The following SLC8A1 variants were observed in gnomAD, a reference collection of about 807,000 sequenced individuals.
The protein encoded by SLC8A1 is solute carrier family 8 member A1, also known as sodium/calcium exchanger 1.
In SLC8A1, 18 loss-of-function variants were observed where a neutral mutation model predicts 68.3. The ratio of observed to expected loss-of-function variants is 0.26; its 90% CI spans 0.18 to 0.39. The LOEUF (loss-of-function observed/expected upper bound fraction) is 0.39. Among genes scored for constraint, SLC8A1 ranks in the 10% least tolerant of loss-of-function variants. SLC8A1 has a pLI of 1.00. For missense variants in SLC8A1, 985 were observed against 1,156.7 expected (o/e 0.85, Z 2.15); for synonymous variants, 475 against 415.5 (o/e 1.14, Z -1.74).
intron 2 of SLC8A1, among the ~76,000 whole-genome samples, chr2:40,406,967 A>G (rs1466140573): frequency 6.6e-6 from 1 of 152,004 alleles, no homozygotes; most frequent in African/African-American, 2.4e-5. Flanking sequence ...TTACTTCATG[A>G]TGACAATGCA....
chr2:40,128,489 G>C (rs1413962839), intron 7 of SLC8A1, among the ~76,000 whole-genome samples: 3 of 152,144 alleles, frequency 2.0e-5, no homozygotes, highest in Non-Finnish European at 4.4e-5. Context: ...TGACGTGCTG[G>C]GGCCATGAAT....
intron 2 of SLC8A1, among the ~76,000 whole-genome samples, chr2:40,202,452 G>C (rs953407977): frequency 1.3e-5 from 2 of 151,900 alleles, no homozygotes; most frequent in Admixed American, 6.6e-5. Context: ...CTACCTGATT[G>C]TTAATAGTGA....
chr2:40,373,097 A>T (rs1224721777), intron 2 of SLC8A1, among the ~76,000 whole-genome samples: 1 of 152,112 alleles, frequency 6.6e-6, no homozygotes, highest in African/African-American at 2.4e-5. Flanking sequence ...AATGTTAAAA[A>T]TGTTTATAAT....
chr2:40,342,842 G>T (rs938256299), intron 2 of SLC8A1, among the ~76,000 whole-genome samples: 1 of 152,034 alleles, frequency 6.6e-6, no homozygotes, highest in Non-Finnish European at 1.5e-5. Flanking sequence ...ATGAACAAAC[G>T]TGAACTAAAA....
intron 2 of SLC8A1, among the ~76,000 whole-genome samples, chr2:40,181,205 C>T (rs1421973965): frequency 6.6e-6 from 1 of 152,182 alleles, no homozygotes; most frequent in African/African-American, 2.4e-5. Context: ...GGCGATCCAC[C>T]CGCCTTGGCC....
At chr2:40,162,465 ACTTCT>A (rs1388462642) in intron 5 of SLC8A1, among the ~76,000 whole-genome samples, 8 of 152,196 alleles carry the variant, frequency 5.3e-5, no homozygotes, top group African/African-American at 1.7e-4. Flanking sequence ...GAACAGATAA[ACTTCT>A]CTAACATTGA....
intron 2 of SLC8A1, among the ~76,000 whole-genome samples, chr2:40,280,540 T>A (rs113461847): frequency 0.017 from 2,584 of 152,308 alleles, 41 homozygotes; most frequent in Middle Eastern, 0.068. Context: ...AATACCATCA[T>A]GCTAAATTAA....
intron 2 of SLC8A1, among the ~76,000 whole-genome samples, chr2:40,271,952 G>C (rs7571709): frequency 6.8e-4 from 103 of 151,964 alleles, no homozygotes; most frequent in African/African-American, 2.3e-3. Context: ...CTGCAGCCTC[G>C]ATGTCTTGGG....
chr2:40,174,789 A>G, intron 4 of SLC8A1, 36 bp downstream of exon 5: 2 of 1,604,242 alleles, frequency 1.2e-6, no homozygotes, highest in Non-Finnish European at 1.7e-6. Context: ...AACAGACAGT[A>G]AAAGTTAGAT....
chr2:40,489,967 A>C (rs1175320713), intron 1 of SLC8A1, among the ~76,000 whole-genome samples: 1 of 152,138 alleles, frequency 6.6e-6, no homozygotes, highest in Non-Finnish European at 1.5e-5. Context: ...TCACTTGATG[A>C]TACACTGCTA....
chr2:40,150,566 A>T (rs530982857), intron 6 of SLC8A1, among the ~76,000 whole-genome samples: 1 of 152,224 alleles, frequency 6.6e-6, no homozygotes, highest in South Asian at 2.1e-4. Flanking sequence ...TCTTGGACCC[A>T]GTGATGGCAC....
At chr2:40,177,613 GA>G (rs2148559022) in intron 3 of SLC8A1, 3 of 544,066 alleles carry the variant, frequency 5.5e-6, no homozygotes, top group Non-Finnish European at 9.8e-6. Flanking sequence ...GAAGGGAAAT[GA>G]AATTGCTAAA....
intron 2 of SLC8A1, among the ~76,000 whole-genome samples, chr2:40,330,171 C>T (rs928172792): frequency 5.9e-5 from 9 of 152,238 alleles, no homozygotes; most frequent in South Asian, 2.1e-4. Flanking sequence ...TCCCAAGACC[C>T]GTTCTAACTT....
chr2:40,126,653 G>T (rs1338367519), intron 7 of SLC8A1, among the ~76,000 whole-genome samples: 1 of 152,216 alleles, frequency 6.6e-6, no homozygotes, highest in Non-Finnish European at 1.5e-5. Flanking sequence ...TTAGAGGTTT[G>T]AAGTGTGATT....
intron 2 of SLC8A1, chr2:40,190,865 T>G (rs2051674314): frequency 6.6e-6 from 1 of 152,194 alleles, no homozygotes; most frequent in Non-Finnish European, 1.5e-5. Context: ...CACTTTTTCT[T>G]CCTTCTTCAA....
intron 2 of SLC8A1, among the ~76,000 whole-genome samples, chr2:40,206,937 A>G (rs1177486795): frequency 6.6e-6 from 1 of 152,112 alleles, no homozygotes. Context: ...AAAAACAGGC[A>G]TTAATGATTC....
intron 4 of SLC8A1, among the ~76,000 whole-genome samples, chr2:40,173,303 A>G (rs1278687141): frequency 6.6e-6 from 1 of 152,192 alleles, no homozygotes; most frequent in Non-Finnish European, 1.5e-5. Flanking sequence ...AAAAAGGAGT[A>G]TAAATTCCTG....
intron 1 of SLC8A1, among the ~76,000 whole-genome samples, chr2:40,434,897 C>G (rs1699092206): frequency 6.6e-6 from 1 of 152,042 alleles, no homozygotes; most frequent in Admixed American, 6.6e-5. Flanking sequence ...GAATAGAAAC[C>G]CACATCTACA....
intron 2 of SLC8A1, among the ~76,000 whole-genome samples, chr2:40,379,508 CA>C (rs1015488836): frequency 3.3e-5 from 5 of 152,116 alleles, no homozygotes; most frequent in Non-Finnish European, 5.9e-5. Context: ...TGGTGCTTCT[CA>C]AAAGTGTCCC....
Sources: gnomAD v4.1 joint callset for allele counts (sites outside exome capture counted in the v4.1 genomes callset) on GRCh38, gnomAD v4.1.1 for gene constraint, MANE v1.5 for transcripts, NCBI Gene and HGNC (gene_info 2026-07-23, HGNC 2026-07-21) for gene names.